Variants in ZBTB49 observed in about 807,000 individuals in gnomAD.
ZBTB49 encodes zinc finger and BTB domain-containing protein 49.
In ZBTB49, 43 loss-of-function variants were observed where a neutral mutation model predicts 57.5. The ratio of observed to expected loss-of-function variants is 0.75; its 90% CI spans 0.59 to 0.97. The LOEUF (loss-of-function observed/expected upper bound fraction) is 0.97. Ranked by LOEUF, ZBTB49 falls within the 50% of genes least tolerant of loss-of-function variation. The pLI, the probability that ZBTB49 is intolerant of heterozygous loss-of-function variation, is 0.00. For missense variants in ZBTB49, 938 were observed against 947.7 expected (o/e 0.99, Z 0.13); for synonymous variants, 369 against 362.1 (o/e 1.02, Z -0.22).
At chr4:4,307,171 C>T (rs1445658694) in intron 4 of ZBTB49, among the ~76,000 whole-genome samples, 3 of 152,238 alleles carry the variant, frequency 2.0e-5, no homozygotes, top group East Asian at 1.9e-4. Context: ...CGTCTCTCAT[C>T]GCGTACTCGG....
chr4:4,301,357 TGTTG>T (rs1273420713), intron 2 of ZBTB49, among the ~76,000 whole-genome samples: 1 of 152,220 alleles, frequency 6.6e-6, no homozygotes, highest in Non-Finnish European at 1.5e-5. Context: ...TTTTTCTCAC[TGTTG>T]GTTTTTGAAC....
Position 4,321,402 on chromosome 4 carries a change from C to A in ZBTB49, c.*86C>A. ...GTAGGAGGACCCAGTTTCCCCATGA[C>A]AGTGCCTTCTAACTAGCCAGAGAAT... On this transcript the variant is annotated 3_prime_UTR_variant, in exon 8 of 8. Coordinates refer to ENST00000337872, the MANE Select transcript of ZBTB49 (RefSeq NM_145291.4). The A allele has an allele frequency of 7.2e-7, 1 of 1,381,976 alleles. No homozygotes were observed. The highest frequency in any genetic ancestry group is 9.9e-7 in the Non-Finnish European group (1 of 1,006,914). 85.6% of individuals were successfully genotyped at this position (1,381,976 alleles called of 1,614,324 possible).
intron 4 of ZBTB49, among the ~76,000 whole-genome samples, chr4:4,310,426 T>TAA (rs1299832586): frequency 1.3e-5 from 2 of 152,164 alleles, no homozygotes; most frequent in African/African-American, 4.8e-5. Flanking sequence ...ATGACTAAGT[T>TAA]AAATACTCTT....
rs114551881 is a variant in ZBTB49 at position 4,303,810 on chromosome 4, A to G, written c.1255+719A>G. Among the ~76,000 whole-genome samples, 1,120 of 146,956 alleles carry G rather than the reference A, an allele frequency of 7.6e-3. 16 individuals are homozygous for G. The highest frequency in any genetic ancestry group is 0.027 in the African/African-American group (1,036 of 38,064). Reference sequence around the variant, plus strand: ...TATATATATATCTCCACACACACACATTATGTTATACAATACATATATATT... The same window carrying G: ...TATATATATATCTCCACACACACACGTTATGTTATACAATACATATATATT... On this transcript the variant is annotated intron_variant, in intron 3 of 7. Transcript: ENST00000337872.
At chr4:4,301,341 T>C (rs1720465188) in intron 2 of ZBTB49, among the ~76,000 whole-genome samples, 1 of 152,230 alleles carries the variant, frequency 6.6e-6, no homozygotes, top group African/African-American at 2.4e-5. Flanking sequence ...TCACTAACTC[T>C]TAGGGTTTTT....
intron 7 of ZBTB49, among the ~76,000 whole-genome samples, chr4:4,317,745 G>A (rs974198904): frequency 1.3e-5 from 2 of 151,978 alleles, no homozygotes; most frequent in African/African-American, 4.8e-5. Flanking sequence ...CTGCTCGCAG[G>A]CTCGTGTGCT....
intron 7 of ZBTB49, among the ~76,000 whole-genome samples, chr4:4,317,453 C>G (rs967893226): frequency 3.9e-5 from 6 of 151,984 alleles, no homozygotes; most frequent in African/African-American, 1.5e-4. Context: ...TTTCATCACC[C>G]CAGAAGGAAG....
chr4:4,318,674 G>A (rs758926675), intron 7 of ZBTB49, among the ~76,000 whole-genome samples: 3 of 152,156 alleles, frequency 2.0e-5, no homozygotes, highest in African/African-American at 4.8e-5. Flanking sequence ...GTTGGAAGCA[G>A]CCACCGTGTG....
chr4:4,305,913 T>C (rs1423961092), intron 3 of ZBTB49, among the ~76,000 whole-genome samples: 1 of 152,234 alleles, frequency 6.6e-6, no homozygotes, highest in East Asian at 1.9e-4. Context: ...ATAAGTTTTG[T>C]TTGGAGAACA....
intron 1 of ZBTB49, among the ~76,000 whole-genome samples, chr4:4,291,582 T>C (rs573067601): frequency 3.9e-5 from 6 of 152,238 alleles, no homozygotes; most frequent in Non-Finnish European, 5.9e-5. Flanking sequence ...GCCAGGAGGC[T>C]TAAAAGCAGG....
At position 4,294,575 on chromosome 4, in the gene ZBTB49, G is replaced by A. The variant is rs538458410; in HGVS notation, c.-20+4223G>A. 2.2e-4 allele frequency among the ~76,000 whole-genome samples: 33 copies of A among 152,188 alleles called. No homozygotes were observed. In the East Asian group the frequency reaches 2.9e-3, roughly 13 times the overall value. ...TCTTCGTGTTGGCTAGACTGGTCTCGAACTCGTAGCCTTAGGTGATCCGCC... is the reference window on the plus strand; with the variant it reads ...TCTTCGTGTTGGCTAGACTGGTCTCAAACTCGTAGCCTTAGGTGATCCGCC... On this transcript the variant is annotated intron_variant, in intron 1 of 7. Transcript: ENST00000337872.
chr4:4,313,336 A>C (rs1721057264), intron 5 of ZBTB49, among the ~76,000 whole-genome samples: 1 of 152,392 alleles, frequency 6.6e-6, no homozygotes, highest in Non-Finnish European at 1.5e-5. Flanking sequence ...CTGGGACAGG[A>C]GTCCCAAAAA....
At position 4,302,349 on chromosome 4, in the gene ZBTB49, T is replaced by C; in HGVS notation, c.513T>C (p.Asp171=). 2 of 1,614,242 alleles carry C rather than the reference T, an allele frequency of 1.2e-6. No homozygotes were observed. The highest frequency in any genetic ancestry group is 3.3e-4 in the Middle Eastern group (2 of 6,062). Residue 171 remains aspartate, a synonymous_variant, in exon 3 of 8, where the codon GAT becomes GAC. Transcript: ENST00000337872. ...ATGCACAGCAGAACAAAACGTTGGATGAATCGCATCCGCATGCTTCACCAT... is the reference window on the plus strand; with the variant it reads ...ATGCACAGCAGAACAAAACGTTGGACGAATCGCATCCGCATGCTTCACCAT... The part of the protein sequence containing the change: ...SADAQQNKTL[D]ESHPHASPSV...
At chr4:4,319,928 G>T (rs912322051) in intron 7 of ZBTB49, among the ~76,000 whole-genome samples, 2 of 152,092 alleles carry the variant, frequency 1.3e-5, no homozygotes, top group African/African-American at 4.8e-5. Context: ...GCCTGGCGTG[G>T]TGTCAGGCAT....
intron 1 of ZBTB49, among the ~76,000 whole-genome samples, chr4:4,295,260 A>T (rs1474005095): frequency 6.6e-6 from 1 of 152,164 alleles, no homozygotes; most frequent in Non-Finnish European, 1.5e-5. Context: ...GGCGAAGGGG[A>T]AGCAAGGCAC....
chr4:4,302,762 T>C lies in ZBTB49; in HGVS notation c.926T>C (p.Leu309Pro). ...KQMRLKKAIH[L>P]KKLNFLKSQK... ...ATGAGGCTCAAAAAGGCCATTCATC[T>C]GAAGAAGCTCAATTTCCTGAAGTCA... Residue 309 changes from leucine to proline, a missense_variant, in exon 3 of 8, where the codon CTG becomes CCG. By Grantham distance (98) the Leu-to-Pro change is moderately conservative. Transcript: ENST00000337872. The C allele has an allele frequency of 6.2e-7, 1 of 1,614,112 alleles. No individual in the cohort carries two copies. Among genetic ancestry groups the C allele is most frequent in the Non-Finnish European group, 8.5e-7 (1 of 1,180,018 alleles).
chr4:4,299,776 G>GGTGTGTGTGTGT (rs33911857), intron 1 of ZBTB49, among the ~76,000 whole-genome samples, 151 bp from the exon 2 acceptor site: 16 of 103,740 alleles, frequency 1.5e-4, no homozygotes, highest in African/African-American at 3.0e-4. Flanking sequence ...CAGAAACAGA[G>GGTGTGTGTGTGT]GTGTGTGTGT....
intron 1 of ZBTB49, among the ~76,000 whole-genome samples, chr4:4,290,696 C>T (rs920684): frequency 0.26 from 40,198 of 152,194 alleles, 6,403 homozygotes; most frequent in East Asian, 0.55. Context: ...GCCCGGCCCG[C>T]CTCCGCTACG....
intron 1 of ZBTB49, among the ~76,000 whole-genome samples, chr4:4,299,007 T>C (rs1031275580): frequency 6.6e-6 from 1 of 152,218 alleles, no homozygotes; most frequent in Non-Finnish European, 1.5e-5. Flanking sequence ...CACACAGTAG[T>C]CAGTTGGAGA....
Sources: allele counts gnomAD v4.1 joint callset (sites outside exome capture counted in the v4.1 genomes callset), GRCh38; gene constraint gnomAD v4.1.1; transcripts MANE v1.5; gene names NCBI Gene and HGNC (gene_info 2026-07-23, HGNC 2026-07-21).